Variants in STAM2 observed in about 807,000 individuals in gnomAD.
The protein encoded by STAM2 is signal transducing adaptor molecule 2, also known as signal transducing adapter molecule 2.
In STAM2, 51 loss-of-function variants were observed where a neutral mutation model predicts 65.6. The observed-to-expected ratio is 0.78, with a 90% confidence interval of 0.62 to 0.98. STAM2 has a LOEUF of 0.98. STAM2 is among the 50% of genes least tolerant of loss of function. The pLI is 0.00. For synonymous variants in STAM2, 198 were observed against 208.4 expected (o/e 0.95, Z 0.43); for missense variants, 584 against 617.8 (o/e 0.95, Z 0.58).
intron 1 of STAM2, among the ~76,000 whole-genome samples, chr2:152,160,809 C>T (rs1316887277): frequency 3.0e-4 from 44 of 147,268 alleles, no homozygotes; most frequent in African/African-American, 9.7e-4. Context: ...CCAGCCGCCC[C>T]GTCCGGGAAG....
intron 1 of STAM2, among the ~76,000 whole-genome samples, chr2:152,160,142 G>A (rs986426583): frequency 4.6e-5 from 7 of 152,108 alleles, no homozygotes; most frequent in East Asian, 3.9e-4. Flanking sequence ...GCCTCTGCCC[G>A]GCCGCCACCC....
chr2:152,124,033 C>T, intron 12 of STAM2, 98 bp from the exon 13 acceptor site: 1 of 1,035,830 alleles, frequency 9.7e-7, no homozygotes, highest in Non-Finnish European at 1.4e-6. Flanking sequence ...AGAAACTATA[C>T]TTCTTTGGGA....
chr2:152,166,192 G>A (rs1408952129), intron 1 of STAM2, among the ~76,000 whole-genome samples: 2 of 150,474 alleles, frequency 1.3e-5, no homozygotes, highest in Non-Finnish European at 1.5e-5. Flanking sequence ...CAACAACAAC[G>A]ACAAAGCCCA....
intron 1 of STAM2, among the ~76,000 whole-genome samples, chr2:152,174,520 G>A (rs1271311243): frequency 6.6e-6 from 1 of 152,152 alleles, no homozygotes; most frequent in Non-Finnish European, 1.5e-5. Flanking sequence ...AAATGGCTTA[G>A]GGGATTACAC....
intron 13 of STAM2, 143 bp downstream of exon 13, chr2:152,123,622 CA>C: frequency 2.4e-6 from 2 of 836,072 alleles, no homozygotes; most frequent in Non-Finnish European, 3.7e-6. Flanking sequence ...GTATGGGTAG[CA>C]AAGCTAAGGT....
intron 1 of STAM2, among the ~76,000 whole-genome samples, chr2:152,173,545 C>T (rs572444810): frequency 3.3e-5 from 5 of 151,880 alleles, no homozygotes; most frequent in East Asian, 1.9e-4. Flanking sequence ...TACAGGCACG[C>T]GCCACCATGC....
chr2:152,129,118 A>C (rs1021832241), intron 11 of STAM2, among the ~76,000 whole-genome samples: 2 of 152,194 alleles, frequency 1.3e-5, no homozygotes, highest in African/African-American at 2.4e-5. Context: ...TCACTCAAAA[A>C]ATTAACTAAT....
chr2:152,159,875 C>G (rs904153831), intron 1 of STAM2, among the ~76,000 whole-genome samples: 1 of 152,232 alleles, frequency 6.6e-6, no homozygotes, highest in African/African-American at 2.4e-5. Context: ...ATTGCAGGCG[C>G]GCGCCGCCAC....
rs1298202140 is a variant in STAM2, at chr2:152,165,199, G to A, written c.40+10404C>T. Among the ~76,000 whole-genome samples the A allele has an allele frequency of 2.0e-5, 3 of 152,208 alleles. No homozygotes were observed. In the East Asian group the frequency reaches 5.8e-4, roughly 29 times the overall value. ...CCAGCACTTTGGGAGGCCGAGGCGGGCAGATCATGAGGTCAGGAGATCAAG... is the reference window on the plus strand; with the variant it reads ...CCAGCACTTTGGGAGGCCGAGGCGGACAGATCATGAGGTCAGGAGATCAAG... On this transcript the variant is annotated intron_variant, in intron 1 of 13. Transcript: ENST00000263904.
chr2:152,148,172 A>T (rs777792039), intron 3 of STAM2, 50 bp from the exon 4 acceptor site: 2 of 1,590,726 alleles, frequency 1.3e-6, no homozygotes, highest in South Asian at 1.2e-5. Flanking sequence ...AACTTACTGT[A>T]ATTAAAAACA....
At chr2:152,164,777 A>T (rs1427500709) in intron 1 of STAM2, among the ~76,000 whole-genome samples, 1 of 152,122 alleles carries the variant, frequency 6.6e-6, no homozygotes, top group Non-Finnish European at 1.5e-5. Context: ...GACTAGGAGG[A>T]GTTGAGAGAA....
chr2:152,170,278 G>A (rs1257009578), intron 1 of STAM2, among the ~76,000 whole-genome samples: 3 of 149,940 alleles, frequency 2.0e-5, no homozygotes, highest in African/African-American at 4.9e-5. Flanking sequence ...TCAGGAGTTC[G>A]AGACCAGCCT....
At chr2:152,146,452 C>A (rs1313064543) in intron 5 of STAM2, among the ~76,000 whole-genome samples, 1 of 152,066 alleles carries the variant, frequency 6.6e-6, no homozygotes, top group Non-Finnish European at 1.5e-5. Context: ...AAAAAACCAG[C>A]CCACTCCATG....
chr2:152,160,503 G>A (rs373135577), intron 1 of STAM2, among the ~76,000 whole-genome samples: 41 of 150,658 alleles, frequency 2.7e-4, no homozygotes, highest in African/African-American at 6.6e-4. Flanking sequence ...CAGCCGCCCC[G>A]TCTGAGAAGT....
chr2:152,167,185 T>C (rs1257034515), intron 1 of STAM2, among the ~76,000 whole-genome samples: 1 of 152,200 alleles, frequency 6.6e-6, no homozygotes, highest in African/African-American at 2.4e-5. Flanking sequence ...ACAAGACACT[T>C]CATTTTCAAC....
chr2:152,137,991 T>C (rs1689186120), intron 7 of STAM2, among the ~76,000 whole-genome samples: 1 of 152,168 alleles, frequency 6.6e-6, no homozygotes, highest in African/African-American at 2.4e-5. Flanking sequence ...CTTGTTAATG[T>C]ACCTTAATAT....
At chr2:152,147,367 A>T in intron 4 of STAM2, 59 bp from the exon 5 acceptor site, 2 of 1,385,266 alleles carry the variant, frequency 1.4e-6, no homozygotes, top group South Asian at 1.6e-5. Flanking sequence ...AAGTACTTAA[A>T]TTATTTAACA....
chr2:152,126,376 C>A lies in STAM2; in HGVS notation c.1029G>T (p.Lys343Asn). 6.5e-7 allele frequency: 1 copy of A among 1,542,936 alleles called. No individual in the cohort carries two copies. Among genetic ancestry groups the A allele is most frequent in the Non-Finnish European group, 8.7e-7 (1 of 1,146,494 alleles). Reference protein sequence around the residue: ...IDEKLEEIDRKHSELSELNVK... With the variant: ...IDEKLEEIDRNHSELSELNVK... ...CATTCAATTCAGACAATTCTGAATG[C>A]TTCCTGATGTAGAAGAAAAGTATTA... Residue 343 changes from lysine (K) to asparagine (N), a missense_variant, in exon 12 of 14, where the codon AAG (lysine) becomes AAT (asparagine). Lys to Asn is a moderately conservative substitution (Grantham distance 94). Coordinates refer to ENST00000263904, the MANE Select transcript of STAM2 (RefSeq NM_005843.6).
At chr2:152,172,491 C>A (rs1290687918) in intron 1 of STAM2, among the ~76,000 whole-genome samples, 1 of 152,128 alleles carries the variant, frequency 6.6e-6, no homozygotes, top group African/African-American at 2.4e-5. Context: ...AGAGATTAAT[C>A]TTTAAAGGCC....
Sources: gnomAD v4.1 joint callset for allele counts (sites outside exome capture counted in the v4.1 genomes callset) on GRCh38, gnomAD v4.1.1 for gene constraint, MANE v1.5 for transcripts, NCBI Gene and HGNC (gene_info 2026-07-23, HGNC 2026-07-21) for gene names.